The following TRHDE variants were observed in gnomAD, a reference collection of about 807,000 sequenced individuals.
The protein encoded by TRHDE is thyrotropin releasing hormone degrading enzyme.
In TRHDE, 72 loss-of-function variants were observed where a neutral mutation model predicts 125.7. The observed-to-expected ratio is 0.57, with a 90% CI of 0.47 to 0.70. The LOEUF is 0.70. Ranked by LOEUF, TRHDE falls within the 30% of genes least tolerant of loss-of-function variation. TRHDE has a pLI of 0.00. For synonymous variants in TRHDE, 509 were observed against 509.1 expected, an observed-to-expected ratio of 1.00 and a Z score of 0.00; for missense variants, 1,110 against 1,327.1, an observed-to-expected ratio of 0.84 and a Z score of 2.54.
intron 2 of TRHDE, among the ~76,000 whole-genome samples, chr12:72,219,998 G>A (rs1025434080): frequency 6.6e-6 from 1 of 152,148 alleles, no homozygotes; most frequent in Non-Finnish European, 1.5e-5. Context: ...ACAAATGAAA[G>A]AAGCATGGAG....
intron 3 of TRHDE, among the ~76,000 whole-genome samples, chr12:72,453,845 G>A (rs1047208386): frequency 2.0e-5 from 3 of 152,196 alleles, no homozygotes; most frequent in African/African-American, 7.2e-5. Flanking sequence ...GAGGGTGTAA[G>A]CCATAAGCCT....
intron 15 of TRHDE, 66 bp from the exon 16 acceptor site, chr12:72,652,256 C>T: frequency 1.6e-6 from 2 of 1,216,538 alleles, no homozygotes; most frequent in Non-Finnish European, 1.1e-6. Flanking sequence ...AAAGCAAAAC[C>T]TGTCTTTATT....
At chr12:72,113,591 C>A (rs926050614) in intron 2 of TRHDE, among the ~76,000 whole-genome samples, 2 of 151,954 alleles carry the variant, frequency 1.3e-5, no homozygotes, top group East Asian at 2.0e-4. Flanking sequence ...AGCCACCGCA[C>A]CCAATTCCAA....
intron 2 of TRHDE, among the ~76,000 whole-genome samples, chr12:72,330,330 T>TAAA (rs58828483): frequency 3.6e-4 from 49 of 137,484 alleles, no homozygotes; most frequent in Middle Eastern, 3.8e-3. Context: ...CAAAGAAAAG[T>TAAA]AAAAAAAAAA....
chr12:72,295,133 GCT>G, intron 2 of TRHDE, among the ~76,000 whole-genome samples: 1 of 148,088 alleles, frequency 6.8e-6, no homozygotes, highest in Admixed American at 6.7e-5. Flanking sequence ...GTGGGGGGTG[GCT>G]GGGGGATGGG....
At chr12:72,634,500 G>T (rs537683967) in intron 15 of TRHDE, among the ~76,000 whole-genome samples, 72 of 145,428 alleles carry the variant, frequency 5.0e-4, no homozygotes, top group African/African-American at 1.7e-3. Context: ...TTTTTTAATT[G>T]TTAATTTATT....
rs145200306 is a variant in TRHDE, at chr12:72,557,111, G to T, written c.1789-5054G>T. 4.9e-3 allele frequency among the ~76,000 whole-genome samples: 751 copies of T among 152,278 alleles called. 5 individuals are homozygous for T. Among genetic ancestry groups the T allele is most frequent in the African/African-American group, 0.014 (601 of 41,574 alleles). On this transcript the variant is annotated intron_variant, in intron 7 of 18. Transcript: ENST00000261180. ...AGTTCAAACAATGCCTCCTTAAGATGCAGTAACAGATTCTTGCTAGAGCAC... is the reference window on the plus strand; with the variant it reads ...AGTTCAAACAATGCCTCCTTAAGATTCAGTAACAGATTCTTGCTAGAGCAC...
At chr12:72,189,199 G>A (rs2139347523) in intron 2 of TRHDE, among the ~76,000 whole-genome samples, 1 of 152,292 alleles carries the variant, frequency 6.6e-6, no homozygotes, top group South Asian at 2.1e-4. Context: ...TTTTACTAAG[G>A]TATAAATGAT....
chr12:72,443,906 T>C (rs370566858), intron 3 of TRHDE, among the ~76,000 whole-genome samples: 1 of 151,822 alleles, frequency 6.6e-6, no homozygotes, highest in Non-Finnish European at 1.5e-5. Flanking sequence ...AGAAATGAGA[T>C]AATTTTTCAA....
chr12:72,363,993 C>T (rs913027342), intron 2 of TRHDE, among the ~76,000 whole-genome samples: 5 of 151,784 alleles, frequency 3.3e-5, no homozygotes, highest in African/African-American at 1.2e-4. Flanking sequence ...AAACAGAGAG[C>T]CAAATCATGA....
intron 5 of TRHDE, among the ~76,000 whole-genome samples, chr12:72,473,992 G>A (rs1030523456): frequency 5.9e-5 from 9 of 151,854 alleles, no homozygotes; most frequent in Non-Finnish European, 1.0e-4. Context: ...GTGACATAGC[G>A]TAGGCGATTA....
intron 12 of TRHDE, among the ~76,000 whole-genome samples, chr12:72,592,668 T>C (rs924212398): frequency 6.6e-6 from 1 of 151,860 alleles, no homozygotes; most frequent in Non-Finnish European, 1.5e-5. Context: ...TAGTATTAGT[T>C]AAGGCCTTTT....
chr12:72,159,709 T>C (rs528873942), intron 2 of TRHDE, among the ~76,000 whole-genome samples: 1 of 152,324 alleles, frequency 6.6e-6, no homozygotes, highest in South Asian at 2.1e-4. Flanking sequence ...TCCATCTTTT[T>C]CAATTTAATT....
chr12:72,129,810 A>G (rs1185262365), intron 2 of TRHDE, among the ~76,000 whole-genome samples: 1 of 152,246 alleles, frequency 6.6e-6, no homozygotes, highest in Non-Finnish European at 1.5e-5. Context: ...AAATCCAATA[A>G]TAGTTCTCTA....
intron 6 of TRHDE, among the ~76,000 whole-genome samples, chr12:72,508,467 G>C (rs1487036180): frequency 6.6e-6 from 1 of 152,200 alleles, no homozygotes; most frequent in East Asian, 1.9e-4. Context: ...TCACTGCCCT[G>C]CTGGGTTTCA....
At position 72,573,578 on chromosome 12, in the gene TRHDE, G is replaced by C. The variant is rs1592546280; in HGVS notation, c.2132-1677G>C. Among the ~76,000 whole-genome samples, 3 of 152,018 alleles carry C rather than the reference G, an allele frequency of 2.0e-5. No individual in the cohort carries two copies. In the South Asian group the frequency reaches 6.2e-4, roughly 31 times the overall value. On this transcript the variant is annotated intron_variant, in intron 10 of 18. Transcript: ENST00000261180. ...AAGTAAGGAAATTGAGGACCAAAGAGAATCAATAGCATAAATTTAAACACT... is the reference window on the plus strand; with the variant it reads ...AAGTAAGGAAATTGAGGACCAAAGACAATCAATAGCATAAATTTAAACACT...
chr12:72,272,482 G>C lies in TRHDE; in HGVS notation c.-162G>C. 1 of 527,512 alleles carries C rather than the reference G, an allele frequency of 1.9e-6. No homozygotes were observed. Among genetic ancestry groups the C allele is most frequent in the Non-Finnish European group, 3.4e-6 (1 of 294,932 alleles). 32.7% of individuals were successfully genotyped at this position (527,512 alleles called of 1,614,324 possible). A position where few individuals can be genotyped will look rare whatever the true frequency, so the allele number is the denominator to read the frequency against. ...GCTGATGGGGGTCGCGGAAGCTGCC[G>C]TCGCTTGTGTCCAGAACCCGTCTTA... On this transcript the variant is annotated 5_prime_UTR_variant, in exon 1 of 19. Coordinates refer to ENST00000261180, the MANE Select transcript of TRHDE (RefSeq NM_013381.3). The surrounding 1 kb of genome is among the most constrained non-coding windows in gnomAD (Gnocchi z 6.7).
At chr12:72,174,879 T>C (rs536926626) in intron 2 of TRHDE, among the ~76,000 whole-genome samples, 36 of 152,336 alleles carry the variant, frequency 2.4e-4, no homozygotes, top group African/African-American at 8.4e-4. Flanking sequence ...TATTACTAAA[T>C]AATCTACAGG....
At chr12:72,285,605 C>T (rs1383646430) in intron 1 of TRHDE, among the ~76,000 whole-genome samples, 4 of 148,644 alleles carry the variant, frequency 2.7e-5, no homozygotes, top group African/African-American at 9.9e-5. Context: ...ACTGCAACCT[C>T]TGCCTCCCGA....
Sources: allele counts gnomAD v4.1 joint callset (sites outside exome capture counted in the v4.1 genomes callset), GRCh38; gene constraint gnomAD v4.1.1; non-coding constraint Gnocchi (gnomAD v3.1); transcripts MANE v1.5; gene names NCBI Gene and HGNC (gene_info 2026-07-23, HGNC 2026-07-21).